The following NAV1 variants were observed in gnomAD, a reference collection of about 807,000 sequenced individuals.
NAV1 encodes the protein pore membrane and/or filament interacting like protein 3.
NAV1 carries 18 observed loss-of-function variants against 175.2 expected under a neutral mutation model. The observed-to-expected ratio is 0.10, with a 90% confidence interval of 0.07 to 0.15. NAV1 has a LOEUF of 0.15. Among genes scored for constraint, NAV1 ranks in the 10% least tolerant of loss-of-function variants. The pLI, the probability that NAV1 is intolerant of heterozygous loss-of-function variation, is 1.00. For synonymous variants in NAV1, 897 were observed against 978.7 expected, an observed-to-expected ratio of 0.92 and a Z score of 1.56; for missense variants, 1,731 against 2,436.6, an observed-to-expected ratio of 0.71 and a Z score of 6.10.
chr1:201,688,788 A>T (rs999306792), intron 1 of NAV1, among the ~76,000 whole-genome samples: 1 of 152,216 alleles, frequency 6.6e-6, no homozygotes, highest in African/African-American at 2.4e-5. Flanking sequence ...AGGGAGTCAA[A>T]TGTCCTTTTA....
chr1:201,562,054 G>C (rs576899225), intron 1 of NAV1, among the ~76,000 whole-genome samples: 162 of 152,198 alleles, frequency 1.1e-3, no homozygotes, highest in African/African-American at 3.8e-3. Context: ...ACCCAGGCTG[G>C]AGTGCAGCGG....
intron 1 of NAV1, among the ~76,000 whole-genome samples, chr1:201,558,492 G>A (rs1007387303): frequency 5.3e-5 from 8 of 152,078 alleles, no homozygotes; most frequent in African/African-American, 1.7e-4. Context: ...TTGCTCTGTC[G>A]CCCAGGCTGG....
At position 201,717,755 on chromosome 1, in the gene NAV1, A is replaced by G. The variant is rs564822411; in HGVS notation, c.861-635A>G. Reference sequence around the variant, plus strand: ...GGACCAGTCTTACTGGGGACCTGCCATACATCCCAGATTCCCAAAGCTTTT... The same window carrying G: ...GGACCAGTCTTACTGGGGACCTGCCGTACATCCCAGATTCCCAAAGCTTTT... On this transcript the variant is annotated intron_variant, in intron 2 of 29. Transcript: ENST00000367296. Among the ~76,000 whole-genome samples the G allele has an allele frequency of 3.3e-5, 5 of 152,334 alleles. No homozygotes were observed. In the East Asian group the frequency reaches 9.6e-4, roughly 29 times the overall value.
At chr1:201,738,592 A>G (rs149631228) in intron 3 of NAV1, among the ~76,000 whole-genome samples, 1 of 152,232 alleles carries the variant, frequency 6.6e-6, no homozygotes, top group African/African-American at 2.4e-5. Context: ...GACTCAAAGC[A>G]CCACCCAGAC....
intron 3 of NAV1, among the ~76,000 whole-genome samples, chr1:201,723,042 C>T (rs1007361474): frequency 2.3e-4 from 35 of 152,262 alleles, no homozygotes; most frequent in Admixed American, 1.8e-3. Context: ...ACCCAGGAGG[C>T]GGAGGTTGCA....
At chr1:201,802,136 C>CAAAAAAAAAAAAAAAAAAAAAAAAA (rs771631007) in intron 15 of NAV1, among the ~76,000 whole-genome samples, 3 of 20,296 alleles carry the variant, frequency 1.5e-4, no homozygotes, top group Non-Finnish European at 4.1e-4. Context: ...GACTCCGTCT[C>CAAAAAAAAAAAAAAAAAAAAAAAAA]AAAAAAAAAA....
At chr1:201,616,366 C>A (rs1428761128) in intron 2 of NAV1, among the ~76,000 whole-genome samples, 4 of 152,172 alleles carry the variant, frequency 2.6e-5, no homozygotes, top group African/African-American at 9.7e-5. Context: ...AAATCCACTA[C>A]TTCCCAGACC....
chr1:201,675,386 C>T (rs1489207728), intron 1 of NAV1, among the ~76,000 whole-genome samples: 1 of 152,212 alleles, frequency 6.6e-6, no homozygotes, highest in African/African-American at 2.4e-5. Flanking sequence ...TCCTTTCTGA[C>T]CGGGCACTTC....
chr1:201,725,010 A>C (rs1469868308), intron 3 of NAV1: 2 of 152,276 alleles, frequency 1.3e-5, no homozygotes, highest in Non-Finnish European at 2.9e-5. Context: ...TCAAGCCTTA[A>C]AGAGACACTT....
intron 1 of NAV1, among the ~76,000 whole-genome samples, chr1:201,651,649 G>C (rs879754112): frequency 6.6e-6 from 1 of 152,142 alleles, no homozygotes; most frequent in Non-Finnish European, 1.5e-5. Flanking sequence ...ATCTCCTGAG[G>C]ACTAAGTCGC....
At chr1:201,711,224 G>C (rs1671892908) in intron 1 of NAV1, among the ~76,000 whole-genome samples, 1 of 152,252 alleles carries the variant, frequency 6.6e-6, no homozygotes, top group South Asian at 2.1e-4. Context: ...CACCAGCATG[G>C]AGGCCTGGAT....
intron 11 of NAV1, 137 bp from the exon 16 acceptor site, chr1:201,790,417 A>G: frequency 2.1e-6 from 2 of 933,634 alleles, no homozygotes; most frequent in Non-Finnish European, 3.4e-6. Flanking sequence ...GCCAGGAAAC[A>G]AGAGTTTCAG....
chr1:201,759,781 C>G (rs1674728241), intron 3 of NAV1, among the ~76,000 whole-genome samples: 1 of 152,230 alleles, frequency 6.6e-6, no homozygotes, highest in Non-Finnish European at 1.5e-5. Flanking sequence ...AGATTAAAAA[C>G]TGTTCAGTAA....
chr1:201,609,551 T>C (rs927395996), intron 2 of NAV1, among the ~76,000 whole-genome samples: 3 of 152,240 alleles, frequency 2.0e-5, no homozygotes, highest in Non-Finnish European at 4.4e-5. Context: ...TCTGCCTGGC[T>C]GGAAAACCCA....
intron 2 of NAV1, among the ~76,000 whole-genome samples, chr1:201,602,638 T>G (rs74743967): frequency 1.9e-4 from 18 of 95,830 alleles, no homozygotes; most frequent in African/African-American, 3.7e-4. Flanking sequence ...TTAAGCTATG[T>G]TTTTTTTTTT....
Position 201,649,435 on chromosome 1 carries a change from G to GCCGCC in NAV1, c.757+28_757+32dup, listed in dbSNP as rs745827354. 1.2e-4 allele frequency: 183 copies of GCCGCC among 1,500,890 alleles called. No individual in the cohort carries two copies. The highest frequency in any genetic ancestry group is 6.3e-4 in the African/African-American group (46 of 72,484). The allele number at this position is 1,500,890 out of a possible 1,614,324, so 93.0% of individuals were successfully genotyped here. On this transcript the variant is annotated intron_variant, in intron 1 of 29. Coordinates refer to ENST00000367296, the Ensembl canonical transcript of NAV1. ...TTCAGCCAGATGCTGGGTAAGTCCT[G>GCCGCC]CCGCCCCGCCCCGCCCCGCCCCTGG...
At position 201,629,286 on chromosome 1, in the gene NAV1, T is replaced by A. The variant is rs957251615; in HGVS notation, c.-100-118T>A. 52 of 582,860 alleles carry A rather than the reference T, an allele frequency of 8.9e-5. No individual in the cohort carries two copies. In the African/African-American group the frequency reaches 1.0e-3, roughly 11 times the overall value. The allele number at this position is 582,860 out of a possible 1,614,324, so 36.1% of individuals were successfully genotyped here. On this transcript the variant is annotated intron_variant, in intron 1 of 29. Coordinates refer to the NAV1 transcript ENST00000367302. ...TCAGGGAGGGGCTGGCCCTGAGTGG[T>A]GCAGGGCACTATCAGAGAAGAAGAA...
chr1:201,651,122 C>CGTGTGTGTGT (rs60462710), intron 1 of NAV1, among the ~76,000 whole-genome samples: 9,336 of 129,032 alleles, frequency 0.072, 538 homozygotes, highest in Middle Eastern at 0.095. Context: ...AGGAAGGGAC[C>CGTGTGTGTGT]GTGTGTGTGT....
chr1:201,765,505 G>A (rs1675157449), intron 3 of NAV1, among the ~76,000 whole-genome samples: 1 of 140,386 alleles, frequency 7.1e-6, no homozygotes, highest in East Asian at 2.3e-4. Context: ...AGCAATTCTT[G>A]TGCCTCAGCC....
Sources: allele counts gnomAD v4.1 joint callset (sites outside exome capture counted in the v4.1 genomes callset), GRCh38; gene constraint gnomAD v4.1.1; transcripts MANE v1.5; gene names NCBI Gene and HGNC (gene_info 2026-07-23, HGNC 2026-07-21).